LARP1B: variants seen among roughly 807,000 people sequenced by gnomAD.
LARP1B encodes La ribonucleoprotein 1B, also known as la-related protein 1B.
Under a neutral mutation model 114.2 loss-of-function variants are expected in LARP1B, and 76 were observed. That is an observed-to-expected ratio of 0.67 (90% CI 0.55 to 0.81). The LOEUF (loss-of-function observed/expected upper bound fraction) is 0.81. LARP1B is among the 30% of genes least tolerant of loss of function. The pLI is 0.00. For synonymous variants in LARP1B, 345 were observed against 348.0 expected (o/e 0.99, Z 0.10); for missense variants, 1,014 against 1,075.8 (o/e 0.94, Z 0.80).
intron 10 of LARP1B, among the ~76,000 whole-genome samples, chr4:128,121,132 T>C (rs1787830123): frequency 6.6e-6 from 1 of 152,182 alleles, no homozygotes; most frequent in Non-Finnish European, 1.5e-5. Flanking sequence ...TTTTAACATT[T>C]GCTGAATATT....
chr4:128,078,149 A>G (rs1346368500), intron 4 of LARP1B, among the ~76,000 whole-genome samples, 187 bp downstream of exon 4: 1 of 152,164 alleles, frequency 6.6e-6, no homozygotes, highest in African/African-American at 2.4e-5. Flanking sequence ...TCCTTTTTGT[A>G]TGTAACTTGT....
chr4:128,136,714 T>C (rs969351966), intron 11 of LARP1B, among the ~76,000 whole-genome samples: 2 of 152,206 alleles, frequency 1.3e-5, no homozygotes, highest in Non-Finnish European at 2.9e-5. Context: ...CCAAGGCATT[T>C]ATATTACACA....
intron 11 of LARP1B, among the ~76,000 whole-genome samples, chr4:128,157,395 C>T (rs1052721293): frequency 6.6e-6 from 1 of 152,066 alleles, no homozygotes; most frequent in Admixed American, 6.5e-5. Flanking sequence ...TCATTGGATC[C>T]TCCAATGGGG....
At chr4:128,129,732 C>T (rs1395890729) in intron 11 of LARP1B, among the ~76,000 whole-genome samples, 1 of 151,874 alleles carries the variant, frequency 6.6e-6, no homozygotes, top group Non-Finnish European at 1.5e-5. Context: ...CACACAGATG[C>T]AGTCAACTGA....
At chr4:128,100,858 C>T (rs1780086024) in intron 8 of LARP1B, among the ~76,000 whole-genome samples, 1 of 149,396 alleles carries the variant, frequency 6.7e-6, no homozygotes. Flanking sequence ...TGCTCTGTCA[C>T]CCAGGTTGGA....
chr4:128,176,009 C>A (rs144901861), intron 12 of LARP1B, among the ~76,000 whole-genome samples: 1 of 150,884 alleles, frequency 6.6e-6, no homozygotes, highest in East Asian at 1.9e-4. Flanking sequence ...TTGAAAATTT[C>A]TTTCACAAAG....
chr4:128,171,606 C>G (rs1743778831), intron 12 of LARP1B, among the ~76,000 whole-genome samples: 1 of 152,148 alleles, frequency 6.6e-6, no homozygotes, highest in South Asian at 2.1e-4. Flanking sequence ...TGCTGTTCCT[C>G]TATTTGTGAT....
intron 11 of LARP1B, chr4:128,123,038 T>G (rs1185350700): frequency 1.0e-6 from 1 of 985,286 alleles, no homozygotes; most frequent in Admixed American, 6.2e-5. Flanking sequence ...TGATCTTGGT[T>G]GGAAATAAAG....
chr4:128,120,803 A>ATTTTTTTT (rs56253884), intron 10 of LARP1B, among the ~76,000 whole-genome samples: 1 of 128,962 alleles, frequency 7.8e-6, no homozygotes. Context: ...GGGGTAGACA[A>ATTTTTTTT]TTTTTTTTTT....
rs777896030 is a variant in LARP1B, at chr4:128,107,429, GA to G, written c.988+119del. 7 of 1,518,144 alleles carry G rather than the reference GA, an allele frequency of 4.6e-6. No individual in the cohort carries two copies. In the East Asian group the frequency reaches 1.7e-4, roughly 37 times the overall value. The allele number at this position is 1,518,144 out of a possible 1,614,324, so 94.0% of individuals were successfully genotyped here. A position where few individuals can be genotyped will look rare whatever the true frequency, so the allele number is the denominator to read the frequency against. On this transcript the variant is annotated intron_variant, in intron 9 of 19. Coordinates refer to ENST00000326639, the MANE Select transcript of LARP1B (RefSeq NM_018078.4). ...TTTGATAGGAAAATTAAAGCTAACT[GA>G]AAGACTTTTGAGTCCCATTTTGTAT...
At chr4:128,181,621 G>A (rs1748416447) in intron 15 of LARP1B, among the ~76,000 whole-genome samples, 1 of 151,720 alleles carries the variant, frequency 6.6e-6, no homozygotes, top group African/African-American at 2.4e-5. Flanking sequence ...GGATTTACAG[G>A]TATACTTTGT....
rs914745102 is a variant in LARP1B, at chr4:128,062,072, C to G, written c.-78+671C>G. The stretch of plus-strand genomic sequence containing the variant: ...GCGGGATCCGCCGGCCGAGGACGCC[C>G]GGGAAGAGGTGGCAGCTGGCCCTGC... On this transcript the variant is annotated intron_variant, in intron 1 of 19. Coordinates refer to ENST00000326639, the MANE Select transcript of LARP1B (RefSeq NM_018078.4). 36 of 985,266 alleles carry G rather than the reference C, an allele frequency of 3.7e-5. No individual in the cohort carries two copies. In the South Asian group the frequency reaches 5.2e-4, roughly 14 times the overall value. 61.0% of individuals were successfully genotyped at this position (985,266 alleles called of 1,614,324 possible).
intron 11 of LARP1B, among the ~76,000 whole-genome samples, chr4:128,150,110 C>T (rs1371640514): frequency 1.3e-5 from 2 of 152,114 alleles, no homozygotes; most frequent in South Asian, 2.1e-4. Flanking sequence ...GAGATCGTGC[C>T]ACTGCACTCC....
At chr4:128,085,576 C>T (rs554954346) in intron 5 of LARP1B, among the ~76,000 whole-genome samples, 10 of 152,224 alleles carry the variant, frequency 6.6e-5, no homozygotes, top group Admixed American at 3.3e-4. Flanking sequence ...CTTCGTTGCC[C>T]GGGCTGGTCT....
Position 128,162,203 on chromosome 4 carries a change from G to C in LARP1B, c.1534G>C (p.Glu512Gln), listed in dbSNP as rs1343171236. 2 of 1,612,048 alleles carry C rather than the reference G, an allele frequency of 1.2e-6. No homozygotes were observed. Among genetic ancestry groups the C allele is most frequent in the Non-Finnish European group, 8.5e-7 (1 of 1,178,870 alleles). ...CTCCATTCTACTTCAGCAAGAAGTT[G>C]AGAACTTTAAGAAGCTAAATCTCAT... ...NKHTAIKQEV[E>Q]NFKKLNLISK... is the part of the protein sequence containing the mutation. The change falls in exon 12 of 20, where the codon GAG becomes CAG. Residue 512 changes from glutamate to glutamine, a missense_variant. Transcript: ENST00000326639.
chr4:128,189,367 A>G (rs1751486111), intron 15 of LARP1B, among the ~76,000 whole-genome samples: 1 of 54,292 alleles, frequency 1.8e-5, no homozygotes, highest in African/African-American at 6.6e-5. Context: ...ATTTGCGTGG[A>G]ATGTCTTTTT....
intron 1 of LARP1B, among the ~76,000 whole-genome samples, chr4:128,073,596 T>G (rs891979005): frequency 2.2e-5 from 2 of 89,448 alleles, no homozygotes; most frequent in African/African-American, 4.4e-5. Context: ...TTTTTTTTTT[T>G]TTTTTTTTTT....
rs748385657 is a variant in LARP1B, at chr4:128,121,816, C to T, written c.1162-10C>T. 2.0e-6 allele frequency: 3 copies of T among 1,496,460 alleles called. No homozygotes were observed. Among genetic ancestry groups the T allele is most frequent in the Non-Finnish European group, 2.7e-6 (3 of 1,122,560 alleles). The allele number at this position is 1,496,460 out of a possible 1,614,324, so 92.7% of individuals were successfully genotyped here. On this transcript the variant is annotated splice_polypyrimidine_tract_variant and intron_variant, in intron 10 of 19. Transcript: ENST00000326639. ...AGTTTTTTATATAAATTACCAATTT[C>T]TTCCTTCAGGAATCAGTGTCTGTCC...
At chr4:128,206,967 C>T in intron 18 of LARP1B, 1 of 395,390 alleles carries the variant, frequency 2.5e-6, no homozygotes, top group Non-Finnish European at 3.4e-6. Flanking sequence ...CCTACCCTTG[C>T]TAGCCTCAGT....
Sources: allele counts gnomAD v4.1 joint callset (sites outside exome capture counted in the v4.1 genomes callset), GRCh38; gene constraint gnomAD v4.1.1; transcripts MANE v1.5; gene names NCBI Gene and HGNC (gene_info 2026-07-23, HGNC 2026-07-21).